JAZF1: variants seen among roughly 807,000 people sequenced by gnomAD.
JAZF1 encodes JAZF zinc finger 1.
In JAZF1, 8 loss-of-function variants were observed where a neutral mutation model predicts 26.4. The observed-to-expected ratio is 0.30, with a 90% confidence interval of 0.18 to 0.55. The LOEUF (loss-of-function observed/expected upper bound fraction) is 0.55. JAZF1 is among the 20% of genes least tolerant of loss of function. JAZF1 has a pLI of 0.94. For missense variants in JAZF1, 199 were observed against 322.0 expected (o/e 0.62, Z 2.92); for synonymous variants, 126 against 122.3 (o/e 1.03, Z -0.20).
At chr7:28,032,259 A>G (rs2128375159) in intron 1 of JAZF1, among the ~76,000 whole-genome samples, 1 of 152,324 alleles carries the variant, frequency 6.6e-6, no homozygotes, top group East Asian at 1.9e-4. Flanking sequence ...AATCTGCATA[A>G]GAATCAACAC....
intron 2 of JAZF1, among the ~76,000 whole-genome samples, chr7:27,956,899 G>C (rs963879070): frequency 6.6e-6 from 1 of 152,174 alleles, no homozygotes; most frequent in Non-Finnish European, 1.5e-5. Flanking sequence ...CACTGCCAAA[G>C]CAAGAGTCTA....
intron 1 of JAZF1, among the ~76,000 whole-genome samples, chr7:28,033,088 T>C (rs551837391): frequency 5.6e-4 from 86 of 152,308 alleles, no homozygotes; most frequent in African/African-American, 1.9e-3. Flanking sequence ...TGGTCTATGT[T>C]ACTTAAGCAA....
chr7:27,856,671 G>A lies in JAZF1; in HGVS notation c.386-15804C>T, dbSNP rs1355785431. Among the ~76,000 whole-genome samples the A allele has an allele frequency of 3.9e-5, 6 of 152,330 alleles. No individual in the cohort carries two copies. The South Asian group carries it at 8.3e-4, about 21-fold the overall frequency. ...CCACCAGATTAGCTAGATACAGAGT[G>A]TCGATTGGTGTATTTACAAACCCTG... On this transcript the variant is annotated intron_variant, in intron 3 of 4. Coordinates refer to ENST00000283928, the MANE Select transcript of JAZF1 (RefSeq NM_175061.4).
chr7:27,950,445 C>A (rs1001445022), intron 2 of JAZF1, among the ~76,000 whole-genome samples: 2 of 152,138 alleles, frequency 1.3e-5, no homozygotes, highest in African/African-American at 4.8e-5. Context: ...TCCAGTAGCC[C>A]TATCTAGTTG....
chr7:27,867,316 G>A (rs1380628571), intron 3 of JAZF1, among the ~76,000 whole-genome samples: 1 of 152,174 alleles, frequency 6.6e-6, no homozygotes, highest in East Asian at 1.9e-4. Flanking sequence ...CCAAGACATA[G>A]CATATGACAT....
chr7:27,846,569 A>C (rs1045689830), intron 3 of JAZF1: 1 of 470,828 alleles, frequency 2.1e-6, no homozygotes, highest in Admixed American at 2.4e-5. Flanking sequence ...TAACCAGAAG[A>C]GGGATTGTTG....
chr7:28,099,704 G>A (rs773176597), intron 1 of JAZF1, among the ~76,000 whole-genome samples: 34 of 151,984 alleles, frequency 2.2e-4, no homozygotes, highest in Non-Finnish European at 4.3e-4. Flanking sequence ...TCAAACTCCC[G>A]ACCTCAGGTG....
intron 1 of JAZF1, among the ~76,000 whole-genome samples, chr7:28,087,191 C>G (rs1784224782): frequency 6.6e-6 from 1 of 152,036 alleles, no homozygotes; most frequent in Non-Finnish European, 1.5e-5. Flanking sequence ...GCTGCTAATC[C>G]AAGGACCAAC....
chr7:27,969,182 A>C (rs1785329080), intron 2 of JAZF1, among the ~76,000 whole-genome samples: 1 of 152,216 alleles, frequency 6.6e-6, no homozygotes, highest in Non-Finnish European at 1.5e-5. Context: ...ATTTGAAATG[A>C]AAGAGTGAGT....
intron 1 of JAZF1, among the ~76,000 whole-genome samples, chr7:28,140,775 A>G (rs1394420520): frequency 1.3e-5 from 2 of 152,268 alleles, no homozygotes; most frequent in Admixed American, 1.3e-4. Flanking sequence ...TATTCTTTAT[A>G]TCACATTGTT....
In JAZF1 at chr7:28,162,993, CAG is replaced by C. The variant is rs1373312110; in HGVS notation, c.115+17468_115+17469del. Among the ~76,000 whole-genome samples, 2 of 152,178 alleles carry C rather than the reference CAG, an allele frequency of 1.3e-5. 1 individual carries two copies. Among genetic ancestry groups the C allele is most frequent in the East Asian group, 3.9e-4 (2 of 5,194 alleles). On this transcript the variant is annotated intron_variant, in intron 1 of 4. Coordinates refer to ENST00000283928, the MANE Select transcript of JAZF1 (RefSeq NM_175061.4). Reference sequence around the variant, plus strand: ...ACTTAGTGCCATTGCAGATGAGATGCAGAGCCATGGATCATGTCTTCTGGAGG... The same window carrying C: ...ACTTAGTGCCATTGCAGATGAGATGCAGCCATGGATCATGTCTTCTGGAGG...
At chr7:28,053,305 A>T (rs1477122983) in intron 1 of JAZF1, among the ~76,000 whole-genome samples, 1 of 152,166 alleles carries the variant, frequency 6.6e-6, no homozygotes, top group Non-Finnish European at 1.5e-5. Context: ...TCTCTTTGAG[A>T]CCCTGCTTTG....
chr7:27,876,808 C>T (rs574444859), intron 3 of JAZF1, among the ~76,000 whole-genome samples: 5 of 152,064 alleles, frequency 3.3e-5, no homozygotes, highest in Admixed American at 6.5e-5. Context: ...TGGAACTGGG[C>T]GGGAGAGTTT....
At chr7:28,113,558 C>G (rs1349568925) in intron 1 of JAZF1, among the ~76,000 whole-genome samples, 1 of 152,214 alleles carries the variant, frequency 6.6e-6, no homozygotes, top group Non-Finnish European at 1.5e-5. Context: ...GCTATAACTC[C>G]TATTTACCAA....
intron 2 of JAZF1, among the ~76,000 whole-genome samples, chr7:27,976,115 C>T (rs1170570297): frequency 8.5e-5 from 13 of 152,174 alleles, no homozygotes; most frequent in South Asian, 2.1e-4. Context: ...GAGGCCAAGG[C>T]GGGCGGATCA....
At chr7:28,098,188 A>G (rs73302951) in intron 1 of JAZF1, among the ~76,000 whole-genome samples, 5,446 of 152,174 alleles carry the variant, frequency 0.036, 326 homozygotes, top group African/African-American at 0.12. Context: ...AAGAGAAACC[A>G]GAGAGTTTTT....
At chr7:27,990,368 G>T (rs1260655433) in intron 2 of JAZF1, among the ~76,000 whole-genome samples, 1 of 151,914 alleles carries the variant, frequency 6.6e-6, no homozygotes, top group Non-Finnish European at 1.5e-5. Context: ...CACCAACATG[G>T]CACATGTATA....
intron 1 of JAZF1, among the ~76,000 whole-genome samples, chr7:28,091,016 C>T (rs1377647989): frequency 2.7e-5 from 4 of 150,314 alleles, no homozygotes; most frequent in African/African-American, 7.3e-5. Flanking sequence ...TTAGTAGAGA[C>T]GGGGTTTCAC....
At chr7:27,874,565 T>C (rs542134687) in intron 3 of JAZF1, among the ~76,000 whole-genome samples, 2 of 152,296 alleles carry the variant, frequency 1.3e-5, no homozygotes, top group Admixed American at 1.3e-4. Flanking sequence ...GAACCTTAGA[T>C]CCTTATGAAA....
Sources: allele counts gnomAD v4.1 joint callset (sites outside exome capture counted in the v4.1 genomes callset), GRCh38; gene constraint gnomAD v4.1.1; transcripts MANE v1.5; gene names NCBI Gene and HGNC (gene_info 2026-07-23, HGNC 2026-07-21).